Variants in FER1L6 observed in about 807,000 individuals in gnomAD.
The protein encoded by FER1L6 is fer-1-like protein 6.
In FER1L6, 177 loss-of-function variants were observed where a neutral mutation model predicts 219.2. The ratio of observed to expected loss-of-function variants is 0.81; its 90% CI spans 0.71 to 0.91. The LOEUF (loss-of-function observed/expected upper bound fraction) is 0.91. Ranked by LOEUF, FER1L6 falls within the 40% of genes least tolerant of loss-of-function variation. The probability of loss-of-function intolerance (pLI) is 0.00; values close to 1 mark genes in which losing one functional copy is unlikely to be tolerated. For synonymous variants in FER1L6, 768 were observed against 824.3 expected (o/e 0.93, Z 1.17); for missense variants, 2,153 against 2,259.9 (o/e 0.95, Z 0.96).
At chr8:124,018,541 T>C (rs1563746898) in intron 16 of FER1L6, among the ~76,000 whole-genome samples, 1 of 152,232 alleles carries the variant, frequency 6.6e-6, no homozygotes, top group Non-Finnish European at 1.5e-5. Context: ...ACCTTCTTCC[T>C]ATGCTGGCTT....
chr8:123,868,836 C>T (rs1816878437), intron 1 of FER1L6, among the ~76,000 whole-genome samples: 1 of 152,138 alleles, frequency 6.6e-6, no homozygotes, highest in Admixed American at 6.5e-5. Context: ...GGCAGGAAGT[C>T]ACCAAAGAGT....
chr8:124,007,717 C>T (rs1269705150), intron 13 of FER1L6, among the ~76,000 whole-genome samples: 1 of 152,074 alleles, frequency 6.6e-6, no homozygotes, highest in Non-Finnish European at 1.5e-5. Flanking sequence ...AAGCAGGTAA[C>T]CTACTAGCAT....
intron 18 of FER1L6, among the ~76,000 whole-genome samples, chr8:124,023,852 T>C (rs9785132): frequency 0.58 from 87,350 of 151,294 alleles, 25,672 homozygotes; most frequent in African/African-American, 0.64. Context: ...TGGGTTACTT[T>C]AATTTTTACC....
At chr8:124,045,354 A>T (rs911993009) in intron 20 of FER1L6, among the ~76,000 whole-genome samples, 27 of 152,184 alleles carry the variant, frequency 1.8e-4, no homozygotes, top group Admixed American at 8.5e-4. Flanking sequence ...GATCTGTAAA[A>T]TGTGTGTAAA....
intron 1 of FER1L6, among the ~76,000 whole-genome samples, chr8:123,937,896 A>G (rs1407372573): frequency 6.6e-6 from 1 of 152,240 alleles, no homozygotes; most frequent in Non-Finnish European, 1.5e-5. Context: ...AAAACATAGT[A>G]CTAAGAGATG....
intron 1 of FER1L6, among the ~76,000 whole-genome samples, chr8:123,891,459 A>G (rs1210094820): frequency 2.6e-5 from 4 of 152,054 alleles, no homozygotes; most frequent in Non-Finnish European, 4.4e-5. Flanking sequence ...TCTTACTTTG[A>G]TAAGTTTGGC....
At chr8:124,117,811 A>G (rs920399884) in intron 39 of FER1L6, among the ~76,000 whole-genome samples, 3 of 152,302 alleles carry the variant, frequency 2.0e-5, no homozygotes, top group Non-Finnish European at 2.9e-5. Context: ...TGAATGGGTA[A>G]GTTAACACAA....
At chr8:123,909,013 C>T (rs1348698627) in intron 1 of FER1L6, among the ~76,000 whole-genome samples, 2 of 152,040 alleles carry the variant, frequency 1.3e-5, no homozygotes, top group East Asian at 3.8e-4. Flanking sequence ...GGGGCATGGC[C>T]CATGTAAAGG....
intron 1 of FER1L6, among the ~76,000 whole-genome samples, chr8:123,877,112 C>T (rs879569169): frequency 2.6e-5 from 4 of 152,258 alleles, no homozygotes; most frequent in Admixed American, 2.0e-4. Flanking sequence ...CTACTGGTAT[C>T]GCTGGTGCCC....
intron 33 of FER1L6, among the ~76,000 whole-genome samples, chr8:124,083,195 T>C (rs2130917179): frequency 6.6e-6 from 1 of 152,242 alleles, no homozygotes; most frequent in Non-Finnish European, 1.5e-5. Flanking sequence ...AAATAGACAA[T>C]AAATTATTGA....
At chr8:123,894,324 G>A (rs893095973) in intron 1 of FER1L6, among the ~76,000 whole-genome samples, 1 of 151,910 alleles carries the variant, frequency 6.6e-6, no homozygotes, top group Non-Finnish European at 1.5e-5. Flanking sequence ...ATTTTAGTTG[G>A]TCAGGAAGAT....
At chr8:123,911,020 A>G (rs1428239435) in intron 1 of FER1L6, among the ~76,000 whole-genome samples, 1 of 152,052 alleles carries the variant, frequency 6.6e-6, no homozygotes, top group Non-Finnish European at 1.5e-5. Context: ...GTACTGAAAA[A>G]TGGAGCTGTA....
chr8:123,984,752 G>A (rs1035529664), intron 11 of FER1L6: 1 of 152,168 alleles, frequency 6.6e-6, no homozygotes, highest in Non-Finnish European at 1.5e-5. Context: ...TATGAAAGAA[G>A]GGAGTATCCT....
At chr8:124,050,128 G>A (rs975565309) in intron 22 of FER1L6, among the ~76,000 whole-genome samples, 2 of 152,138 alleles carry the variant, frequency 1.3e-5, no homozygotes, top group South Asian at 2.1e-4. Context: ...TTGTTGTCTC[G>A]TATACCTTTC....
At chr8:123,892,126 A>G (rs2129700910) in intron 1 of FER1L6, among the ~76,000 whole-genome samples, 1 of 152,302 alleles carries the variant, frequency 6.6e-6, no homozygotes, top group East Asian at 1.9e-4. Flanking sequence ...AAAATCAGAT[A>G]GATTTGTTTA....
At chr8:123,932,713 C>G (rs778286949) in intron 1 of FER1L6, among the ~76,000 whole-genome samples, 1 of 152,178 alleles carries the variant, frequency 6.6e-6, no homozygotes, top group African/African-American at 2.4e-5. Context: ...TACAGCTTCT[C>G]TGGGCTTCTT....
At chr8:124,044,196 A>G (rs1819623938) in intron 20 of FER1L6, among the ~76,000 whole-genome samples, 1 of 152,222 alleles carries the variant, frequency 6.6e-6, no homozygotes, top group South Asian at 2.1e-4. Context: ...TTTGAAAAGC[A>G]TCATAAAAAC....
At chr8:124,076,463 T>C in intron 32 of FER1L6, 138 bp downstream of exon 32, 1 of 827,510 alleles carries the variant, frequency 1.2e-6, no homozygotes, top group Non-Finnish European at 1.9e-6. Flanking sequence ...CTGCTCTTGG[T>C]AATAACCAAC....
intron 1 of FER1L6, among the ~76,000 whole-genome samples, chr8:123,938,191 C>A (rs1371247092): frequency 6.6e-6 from 1 of 152,156 alleles, no homozygotes. Flanking sequence ...TAAGGTGACC[C>A]TTGTTTGCTC....
Sources: allele counts gnomAD v4.1 joint callset (sites outside exome capture counted in the v4.1 genomes callset), GRCh38; gene constraint gnomAD v4.1.1; transcripts MANE v1.5; gene names NCBI Gene and HGNC (gene_info 2026-07-23, HGNC 2026-07-21).